The following SNTG1 variants were observed in gnomAD, a reference collection of about 807,000 sequenced individuals.
SNTG1 encodes gamma-1-syntrophin.
A neutral mutation model predicts 74.7 loss-of-function variants in SNTG1; 39 were observed. The ratio of observed to expected loss-of-function variants is 0.52; its 90% CI spans 0.40 to 0.68. The LOEUF (loss-of-function observed/expected upper bound fraction) is 0.68. Among genes scored for constraint, SNTG1 ranks in the 30% least tolerant of loss-of-function variants. The probability of loss-of-function intolerance (pLI) is 0.00; values close to 1 mark genes in which losing one functional copy is unlikely to be tolerated. For synonymous variants in SNTG1, 254 were observed against 217.1 expected (o/e 1.17, Z -1.49); for missense variants, 685 against 609.5 (o/e 1.12, Z -1.30).
chr8:50,501,182 AGCCTATATAGCGT>A (rs1237515160), intron 8 of SNTG1, among the ~76,000 whole-genome samples: 1 of 151,902 alleles, frequency 6.6e-6, no homozygotes, highest in Non-Finnish European at 1.5e-5. Context: ...AGGTGGTATG[AGCCTATATAGCGT>A]GCTTTCTGTT....
chr8:50,393,091 A>G (rs568292849), intron 2 of SNTG1, among the ~76,000 whole-genome samples: 36 of 152,282 alleles, frequency 2.4e-4, no homozygotes, highest in African/African-American at 8.4e-4. Context: ...TTGAAAAATA[A>G]TTAAGTTAGT....
intron 2 of SNTG1, among the ~76,000 whole-genome samples, chr8:50,285,468 T>C (rs951912386): frequency 1.3e-5 from 2 of 152,166 alleles, no homozygotes; most frequent in Non-Finnish European, 1.5e-5. Context: ...GGAAAAATTA[T>C]TGTGGTAACA....
chr8:50,034,784 A>C (rs1222673227), intron 1 of SNTG1, among the ~76,000 whole-genome samples: 2 of 152,198 alleles, frequency 1.3e-5, no homozygotes, highest in Non-Finnish European at 2.9e-5. Flanking sequence ...GTTGGGCTAC[A>C]TTGAAAGCTG....
At chr8:49,943,382 T>C (rs779235351) in intron 1 of SNTG1, among the ~76,000 whole-genome samples, 3 of 152,240 alleles carry the variant, frequency 2.0e-5, no homozygotes, top group Non-Finnish European at 4.4e-5. Context: ...TATTGGTAAA[T>C]ACTAAGCACT....
At chr8:50,569,354 C>G (rs1223540923) in intron 12 of SNTG1, among the ~76,000 whole-genome samples, 1 of 151,754 alleles carries the variant, frequency 6.6e-6, no homozygotes, top group Non-Finnish European at 1.5e-5. Flanking sequence ...ATTCTACAGG[C>G]ATTTCACCCA....
chr8:50,625,585 T>G (rs956042859), intron 13 of SNTG1, among the ~76,000 whole-genome samples: 1 of 152,216 alleles, frequency 6.6e-6, no homozygotes, highest in Admixed American at 6.5e-5. Context: ...CAGTTACTTT[T>G]GTTTCTGAAT....
intron 15 of SNTG1, among the ~76,000 whole-genome samples, chr8:50,703,869 A>G (rs2095434617): frequency 6.6e-6 from 1 of 152,096 alleles, no homozygotes; most frequent in Admixed American, 6.6e-5. Context: ...CATTAACCCA[A>G]ACATCCTTAT....
At chr8:50,292,338 G>C (rs911410406) in intron 2 of SNTG1, among the ~76,000 whole-genome samples, 2 of 152,128 alleles carry the variant, frequency 1.3e-5, no homozygotes, top group African/African-American at 4.8e-5. Flanking sequence ...AGGGTGTAAT[G>C]TGGTATGAGC....
intron 2 of SNTG1, among the ~76,000 whole-genome samples, chr8:50,241,823 G>C (rs564042216): frequency 6.6e-6 from 1 of 152,026 alleles, no homozygotes; most frequent in African/African-American, 2.4e-5. Context: ...TTCTCAGCTC[G>C]GAAGTGCCTC....
At chr8:50,670,079 A>G (rs1351534653) in intron 15 of SNTG1, among the ~76,000 whole-genome samples, 1 of 152,110 alleles carries the variant, frequency 6.6e-6, no homozygotes, top group Non-Finnish European at 1.5e-5. Context: ...ACCCACAGCC[A>G]ATATCATACT....
At chr8:49,956,897 C>A (rs919886507) in intron 1 of SNTG1, among the ~76,000 whole-genome samples, 1 of 152,050 alleles carries the variant, frequency 6.6e-6, no homozygotes, top group Non-Finnish European at 1.5e-5. Context: ...AGCTTTATTT[C>A]AGCCAGATAT....
intron 11 of SNTG1, among the ~76,000 whole-genome samples, chr8:50,537,524 T>A (rs1419858386): frequency 1.3e-5 from 2 of 152,176 alleles, no homozygotes; most frequent in Admixed American, 1.3e-4. Flanking sequence ...TTTATCTTGA[T>A]CAGTTTTGCT....
intron 2 of SNTG1, among the ~76,000 whole-genome samples, chr8:50,315,740 G>T (rs534527423): frequency 3.6e-5 from 5 of 138,096 alleles, no homozygotes; most frequent in African/African-American, 1.5e-4. Context: ...CAAAACCATT[G>T]AAAAGAAAAA....
intron 18 of SNTG1, among the ~76,000 whole-genome samples, chr8:50,757,072 G>A (rs748150326): frequency 9.9e-5 from 15 of 151,462 alleles, no homozygotes; most frequent in Admixed American, 3.3e-4. Flanking sequence ...ATTTCCCACC[G>A]TTAAGTATGG....
At chr8:50,017,700 T>A (rs1465393837) in intron 1 of SNTG1, among the ~76,000 whole-genome samples, 1 of 151,798 alleles carries the variant, frequency 6.6e-6, no homozygotes, top group Non-Finnish European at 1.5e-5. Context: ...AGTCAAAAAA[T>A]GGAAGATATA....
intron 1 of SNTG1, among the ~76,000 whole-genome samples, chr8:50,058,032 CA>C (rs1419669851): frequency 6.6e-6 from 1 of 152,040 alleles, no homozygotes; most frequent in East Asian, 1.9e-4. Flanking sequence ...GATGGTAAGT[CA>C]AAAACTTTTG....
chr8:50,286,423 C>A (rs772507233), intron 2 of SNTG1: 1 of 152,168 alleles, frequency 6.6e-6, no homozygotes, highest in Non-Finnish European at 1.5e-5. Flanking sequence ...TCACTTGTGC[C>A]ATTTATGATC....
At chr8:50,357,242 C>G (rs563892998) in intron 2 of SNTG1, among the ~76,000 whole-genome samples, 1 of 152,196 alleles carries the variant, frequency 6.6e-6, no homozygotes, top group African/African-American at 2.4e-5. Context: ...TCCCCCTCCA[C>G]GACTCTCAGA....
chr8:49,915,471 T>A (rs1805946286), intron 1 of SNTG1, among the ~76,000 whole-genome samples: 1 of 152,158 alleles, frequency 6.6e-6, no homozygotes, highest in Non-Finnish European at 1.5e-5. Context: ...TTCCTTTACA[T>A]CTCTTAATGG....
Sources: allele counts gnomAD v4.1 joint callset (sites outside exome capture counted in the v4.1 genomes callset), GRCh38; gene constraint gnomAD v4.1.1; transcripts MANE v1.5; gene names NCBI Gene and HGNC (gene_info 2026-07-23, HGNC 2026-07-21).